MSRA: variants seen among roughly 807,000 people sequenced by gnomAD.
MSRA encodes the protein methionine sulfoxide reductase A.
Under a neutral mutation model 31.3 loss-of-function variants are expected in MSRA, and 54 were observed. The ratio of observed to expected loss-of-function variants is 1.73; its 90% CI spans 1.39 to 2.17. The LOEUF is 2.17. Among genes scored for constraint, MSRA ranks in the 30% most tolerant of loss-of-function variants. The pLI, the probability that MSRA is intolerant of heterozygous loss-of-function variation, is 0.00. For missense variants in MSRA, 507 were observed against 300.9 expected, an observed-to-expected ratio of 1.69 and a Z score of -5.07; for synonymous variants, 169 against 116.5, an observed-to-expected ratio of 1.45 and a Z score of -2.90.
chr8:10,090,562 C>A (rs948962148), intron 1 of MSRA, among the ~76,000 whole-genome samples: 3 of 152,258 alleles, frequency 2.0e-5, no homozygotes, highest in Middle Eastern at 3.4e-3. Flanking sequence ...TAAAACTTGT[C>A]ATTTTATTAT....
chr8:10,262,006 C>G (rs955764934), intron 3 of MSRA, among the ~76,000 whole-genome samples: 4 of 152,166 alleles, frequency 2.6e-5, no homozygotes, highest in African/African-American at 9.7e-5. Context: ...GTCTTTTTCA[C>G]TTAGCAGTAT....
intron 1 of MSRA, among the ~76,000 whole-genome samples, chr8:10,191,421 A>C (rs886341689): frequency 6.6e-6 from 1 of 152,244 alleles, no homozygotes; most frequent in Admixed American, 6.5e-5. Flanking sequence ...TTGTTTTTGT[A>C]AGCCCTATGA....
intron 1 of MSRA, among the ~76,000 whole-genome samples, chr8:10,137,537 A>G (rs1802373564): frequency 6.6e-6 from 1 of 152,252 alleles, no homozygotes. Context: ...GGCTTCTATA[A>G]CAAACGAACT....
chr8:10,406,570 C>T (rs536152158), intron 5 of MSRA, among the ~76,000 whole-genome samples: 1 of 152,092 alleles, frequency 6.6e-6, no homozygotes, highest in Non-Finnish European at 1.5e-5. Flanking sequence ...GGAATGGGGG[C>T]CACAGAGTCC....
At chr8:10,395,791 A>C (rs1417257069) in intron 5 of MSRA, among the ~76,000 whole-genome samples, 1 of 152,180 alleles carries the variant, frequency 6.6e-6, no homozygotes, top group Non-Finnish European at 1.5e-5. Flanking sequence ...TACGTCCTCA[A>C]AGCTACAGAT....
chr8:10,228,597 C>T (rs1811199119), intron 2 of MSRA, among the ~76,000 whole-genome samples: 1 of 152,184 alleles, frequency 6.6e-6, no homozygotes, highest in Non-Finnish European at 1.5e-5. Context: ...CCGTAGTGGT[C>T]CACAGAGACC....
intron 3 of MSRA, among the ~76,000 whole-genome samples, chr8:10,298,330 T>A (rs1800653719): frequency 6.6e-6 from 1 of 151,946 alleles, no homozygotes; most frequent in South Asian, 2.1e-4. Flanking sequence ...ACAACATGGG[T>A]GAACCTTGAG....
intron 5 of MSRA, among the ~76,000 whole-genome samples, chr8:10,362,745 G>T (rs1326877259): frequency 6.6e-6 from 1 of 152,014 alleles, no homozygotes; most frequent in Non-Finnish European, 1.5e-5. Context: ...AGCTCGAGCT[G>T]CCTGCTGGTC....
intron 1 of MSRA, among the ~76,000 whole-genome samples, chr8:10,083,728 T>C (rs1798407240): frequency 6.6e-6 from 1 of 152,238 alleles, no homozygotes; most frequent in Non-Finnish European, 1.5e-5. Context: ...ATCCTGTTTT[T>C]TTCCCTAAAC....
At chr8:10,293,025 C>G (rs765553097) in intron 3 of MSRA, among the ~76,000 whole-genome samples, 8 of 152,164 alleles carry the variant, frequency 5.3e-5, no homozygotes, top group Non-Finnish European at 1.2e-4. Context: ...TGGCCTCTGG[C>G]TAGGCTTGGG....
intron 5 of MSRA, among the ~76,000 whole-genome samples, chr8:10,367,237 G>A (rs368986768): frequency 6.6e-6 from 1 of 152,084 alleles, no homozygotes; most frequent in Non-Finnish European, 1.5e-5. Flanking sequence ...ATCACAAGAT[G>A]GGTGAGTAAG....
In MSRA at chr8:10,393,003, A is replaced by C. The variant is rs917362759; in HGVS notation, c.544-35145A>C. ...CATGAACCCGGGAGGCGGAGCTTGCAGTGAGCCGAGATAGCGCCGCTGCAC... is the reference window on the plus strand; with the variant it reads ...CATGAACCCGGGAGGCGGAGCTTGCCGTGAGCCGAGATAGCGCCGCTGCAC... On this transcript the variant is annotated intron_variant, in intron 5 of 5. Transcript: ENST00000317173. 2.1e-5 allele frequency among the ~76,000 whole-genome samples: 3 copies of C among 139,760 alleles called. No homozygotes were observed. The East Asian group carries it at 6.3e-4, about 29-fold the overall frequency. 91.7% of individuals were successfully genotyped at this position (139,760 alleles called of 152,430 possible).
chr8:10,333,869 C>T (rs1225430363), intron 5 of MSRA, among the ~76,000 whole-genome samples: 2 of 152,126 alleles, frequency 1.3e-5, no homozygotes, highest in African/African-American at 2.4e-5. Flanking sequence ...ATTCCATGAG[C>T]ACTTCACACA....
At chr8:10,426,061 C>T (rs1353647448) in intron 5 of MSRA, among the ~76,000 whole-genome samples, 2 of 152,176 alleles carry the variant, frequency 1.3e-5, no homozygotes, top group Non-Finnish European at 2.9e-5. Context: ...CAAAGCCTTC[C>T]TTCAGTGGGC....
chr8:10,342,565 C>T (rs1171151150), intron 5 of MSRA, among the ~76,000 whole-genome samples: 1 of 152,200 alleles, frequency 6.6e-6, no homozygotes, highest in African/African-American at 2.4e-5. Context: ...GTTACCCAAC[C>T]CTGTTCGTCT....
intron 1 of MSRA, among the ~76,000 whole-genome samples, chr8:10,123,121 A>G (rs1176970353): frequency 2.0e-5 from 3 of 152,222 alleles, no homozygotes; most frequent in Admixed American, 6.5e-5. Flanking sequence ...GCTTTCCGCA[A>G]TGGTCGAACT....
chr8:10,254,835 G>A (rs1276198401), intron 3 of MSRA, among the ~76,000 whole-genome samples: 1 of 152,228 alleles, frequency 6.6e-6, no homozygotes, highest in Admixed American at 6.5e-5. Context: ...CTAGAGCTGT[G>A]CCAAAGTTTT....
At chr8:10,169,696 C>G (rs868485601) in intron 1 of MSRA, among the ~76,000 whole-genome samples, 1 of 152,152 alleles carries the variant, frequency 6.6e-6, no homozygotes, top group South Asian at 2.1e-4. Flanking sequence ...TGTTCATTCC[C>G]AAGCATTTCA....
intron 3 of MSRA, among the ~76,000 whole-genome samples, chr8:10,296,613 A>C (rs1486474995): frequency 6.6e-6 from 1 of 152,228 alleles, no homozygotes; most frequent in East Asian, 1.9e-4. Flanking sequence ...AATACAACTG[A>C]GAATAATATA....
Sources: gnomAD v4.1 joint callset for allele counts (sites outside exome capture counted in the v4.1 genomes callset) on GRCh38, gnomAD v4.1.1 for gene constraint, MANE v1.5 for transcripts, NCBI Gene and HGNC (gene_info 2026-07-23, HGNC 2026-07-21) for gene names.